The following ZSCAN5A variants were observed in gnomAD, a reference collection of about 807,000 sequenced individuals.
The protein encoded by ZSCAN5A is zinc finger and SCAN domain-containing protein 5A.
Under a neutral mutation model 23.7 loss-of-function variants are expected in ZSCAN5A, and 12 were observed. The observed-to-expected ratio is 0.51, with a 90% confidence interval of 0.32 to 0.82. The LOEUF (loss-of-function observed/expected upper bound fraction) is 0.82. Ranked by LOEUF, ZSCAN5A falls within the 40% of genes least tolerant of loss-of-function variation. The pLI is 0.03. For missense variants in ZSCAN5A, 597 were observed against 617.9 expected, an observed-to-expected ratio of 0.97 and a Z score of 0.36; for synonymous variants, 257 against 239.9, an observed-to-expected ratio of 1.07 and a Z score of -0.66.
rs139867346 is a variant in ZSCAN5A, at chr19:56,244,038, C to T, written c.-127-18865G>A. 1,518 of 873,220 alleles carry T rather than the reference C, an allele frequency of 1.7e-3. 6 individuals carry two copies. Among genetic ancestry groups the T allele is most frequent in the Middle Eastern group, 0.012 (53 of 4,442 alleles). 54.1% of individuals were successfully genotyped at this position (873,220 alleles called of 1,614,324 possible). A position where few individuals can be genotyped will look rare whatever the true frequency, so the allele number is the denominator to read the frequency against. On this transcript the variant is annotated intron_variant, in intron 2 of 5. Coordinates refer to ENST00000683990, the MANE Select transcript of ZSCAN5A (RefSeq NM_001322064.3). Reference sequence around the variant, plus strand: ...AGAGACTGACTGAAATATTCTCCACCAGATATGGCTGCAAATTGCAACTCC... The same window carrying T: ...AGAGACTGACTGAAATATTCTCCACTAGATATGGCTGCAAATTGCAACTCC...
At chr19:56,272,301 G>C (rs1319197111) in intron 2 of ZSCAN5A, among the ~76,000 whole-genome samples, 1 of 152,160 alleles carries the variant, frequency 6.6e-6, no homozygotes, top group Non-Finnish European at 1.5e-5. Flanking sequence ...TAAAGGGCCG[G>C]ACAGTAAATA....
chr19:56,342,175 T>C (rs1161922717), intron 2 of ZSCAN5A, among the ~76,000 whole-genome samples: 1 of 152,102 alleles, frequency 6.6e-6, no homozygotes, highest in East Asian at 1.9e-4. Flanking sequence ...TACAGACCAT[T>C]CATGACATGC....
At chr19:56,361,953 C>A (rs867099980) in intron 2 of ZSCAN5A, among the ~76,000 whole-genome samples, 1 of 150,264 alleles carries the variant, frequency 6.7e-6, no homozygotes, top group South Asian at 2.1e-4. Flanking sequence ...GTCAGGAGAT[C>A]GAGACCATCC....
intron 2 of ZSCAN5A, among the ~76,000 whole-genome samples, chr19:56,252,761 G>A (rs1231796084): frequency 6.6e-6 from 1 of 152,206 alleles, no homozygotes. Flanking sequence ...GGGCAAGGGT[G>A]GGACCATGGT....
chr19:56,242,808 C>T (rs948622416), intron 2 of ZSCAN5A, among the ~76,000 whole-genome samples: 2 of 152,048 alleles, frequency 1.3e-5, no homozygotes, highest in African/African-American at 2.4e-5. Context: ...GACGGAGTCT[C>T]GCTCTTGTTG....
At chr19:56,367,767 C>T (rs10419074) in intron 1 of ZSCAN5A, 12,080 of 152,298 alleles carry the variant, frequency 0.079, 709 homozygotes, top group East Asian at 0.26. Flanking sequence ...CAGACACACT[C>T]TACAGCTCAA....
chr19:56,235,045 A>T (rs2034776311), intron 2 of ZSCAN5A, among the ~76,000 whole-genome samples: 1 of 151,682 alleles, frequency 6.6e-6, no homozygotes, highest in Non-Finnish European at 1.5e-5. Context: ...AGAAGCCTCC[A>T]CTCCAGCCTC....
At chr19:56,341,718 A>C (rs1444797300) in intron 2 of ZSCAN5A, among the ~76,000 whole-genome samples, 5 of 150,904 alleles carry the variant, frequency 3.3e-5, no homozygotes, top group South Asian at 4.2e-4. Flanking sequence ...AAAAAAAAAA[A>C]AAAAAAAAAC....
intron 2 of ZSCAN5A, among the ~76,000 whole-genome samples, chr19:56,251,006 C>T (rs533115702): frequency 2.8e-4 from 42 of 152,096 alleles, no homozygotes; most frequent in Non-Finnish European, 5.4e-4. Flanking sequence ...AAAAATTAGT[C>T]AGGTGTGGTG....
At chr19:56,229,838 G>T (rs747183599) in intron 2 of ZSCAN5A, among the ~76,000 whole-genome samples, 1 of 151,952 alleles carries the variant, frequency 6.6e-6, no homozygotes, top group Non-Finnish European at 1.5e-5. Context: ...GTTTTTAGGG[G>T]TTCTTTTGCT....
chr19:56,276,504 C>CT (rs767095656), intron 2 of ZSCAN5A, among the ~76,000 whole-genome samples: 1 of 97,058 alleles, frequency 1.0e-5, no homozygotes, highest in African/African-American at 3.1e-5. Context: ...ATCTAAAGAG[C>CT]TCTTTTTTTT....
intron 2 of ZSCAN5A, among the ~76,000 whole-genome samples, chr19:56,362,700 T>C (rs2041741915): frequency 1.3e-5 from 2 of 151,978 alleles, no homozygotes; most frequent in Non-Finnish European, 2.9e-5. Context: ...AAACCCCGTC[T>C]CTACTGAAAA....
At chr19:56,311,006 T>A (rs185562648) in intron 2 of ZSCAN5A, among the ~76,000 whole-genome samples, 1 of 152,340 alleles carries the variant, frequency 6.6e-6, no homozygotes, top group African/African-American at 2.4e-5. Context: ...TTGGTTCCAA[T>A]AGGTAATTAA....
chr19:56,322,056 T>C, intron 2 of ZSCAN5A: 1 of 771,566 alleles, frequency 1.3e-6, no homozygotes, highest in Non-Finnish European at 2.4e-6. Context: ...CGGCATCTAG[T>C]GCACAGCCAC....
intron 2 of ZSCAN5A, chr19:56,284,251 G>A (rs1193261923): frequency 2.2e-6 from 2 of 924,222 alleles, no homozygotes; most frequent in South Asian, 5.0e-5. Context: ...TGTGCACTTT[G>A]GCGGGAAATT....
intron 2 of ZSCAN5A, among the ~76,000 whole-genome samples, chr19:56,333,132 G>A (rs1379332447): frequency 6.6e-6 from 1 of 151,688 alleles, no homozygotes; most frequent in Non-Finnish European, 1.5e-5. Flanking sequence ...TGGTGACTAT[G>A]TCTTGGTGAT....
chr19:56,242,224 G>A (rs931383867), intron 2 of ZSCAN5A, among the ~76,000 whole-genome samples: 1 of 152,130 alleles, frequency 6.6e-6, no homozygotes, highest in Non-Finnish European at 1.5e-5. Context: ...TTTGGGAACA[G>A]CCACTCTAGC....
rs2041665346 is a variant in ZSCAN5A, at chr19:56,351,169, A to G, written c.-358+12066T>C. ...GGTTCTTGGTGAAAATTTTCCTGTA[A>G]TAAGAAATCTCTTTTCTAACCAAGC... On this transcript the variant is annotated intron_variant, in intron 2 of 6. Coordinates refer to the ZSCAN5A transcript ENST00000587340. This position sits in a 1 kb window ranked among gnomAD's most constrained non-coding sequence, Gnocchi z 4.8. Among the ~76,000 whole-genome samples the G allele has an allele frequency of 6.6e-6, 1 of 152,166 alleles. No individual in the cohort carries two copies.
chr19:56,232,569 C>G (rs1600024897), intron 2 of ZSCAN5A, among the ~76,000 whole-genome samples: 1 of 152,338 alleles, frequency 6.6e-6, no homozygotes, highest in South Asian at 2.1e-4. Context: ...CTCATCTCAA[C>G]TACCAGTACT....
Sources: gnomAD v4.1 joint callset for allele counts (sites outside exome capture counted in the v4.1 genomes callset) on GRCh38, gnomAD v4.1.1 for gene constraint, Gnocchi (gnomAD v3.1) non-coding constraint, MANE v1.5 for transcripts, NCBI Gene and HGNC (gene_info 2026-07-23, HGNC 2026-07-21) for gene names.